NHSL1: variants seen among roughly 807,000 people sequenced by gnomAD.
The protein encoded by NHSL1 is NHS-like protein 1.
A neutral mutation model predicts 95.0 loss-of-function variants in NHSL1; 48 were observed. That is an observed-to-expected ratio of 0.51 (90% CI 0.40 to 0.64). The LOEUF (loss-of-function observed/expected upper bound fraction) is 0.64, where lower values mean the gene tolerates loss of function less well. Ranked by LOEUF, NHSL1 falls within the 30% of genes least tolerant of loss-of-function variation. The probability of loss-of-function intolerance (pLI) is 0.00; values close to 1 mark genes in which losing one functional copy is unlikely to be tolerated. For synonymous variants in NHSL1, 783 were observed against 833.9 expected (o/e 0.94, Z 1.05); for missense variants, 1,971 against 2,077.7 (o/e 0.95, Z 1.00).
At chr6:138,687,914 G>A (rs1218349146) in intron 1 of NHSL1, among the ~76,000 whole-genome samples, 2 of 152,090 alleles carry the variant, frequency 1.3e-5, no homozygotes, top group African/African-American at 4.8e-5. Context: ...GGTAATGGTT[G>A]CACAACTCTG....
rs1195616776 is a variant in NHSL1 at position 138,424,766 on chromosome 6, C to T, written c.4136G>A (p.Arg1379Gln). The T allele has an allele frequency of 3.9e-6, 6 of 1,551,340 alleles. No individual in the cohort carries two copies. Among genetic ancestry groups the T allele is most frequent in the East Asian group, 2.4e-5 (1 of 40,894 alleles). The stretch of plus-strand genomic sequence containing the variant: ...CACGGGCGGGGAGGGAGAATGGTTT[C>T]GGGAGTGGTCATCATCTGAATCTCT... ...GRRDSDDDHS[R>Q]NHSPSPPVTP... Residue 1379 changes from arginine (R) to glutamine (Q), a missense_variant, in exon 8 of 8, where the codon CGA (arginine) becomes CAA (glutamine). Around this residue, in one of 3 missense-constraint regions of NHSL1, gnomAD observed 146 missense variants for 206.3 expected, o/e 0.71. Transcript: ENST00000343505. This position sits in a 1 kb window ranked among gnomAD's most constrained non-coding sequence, Gnocchi z 5.9.
intron 2 of NHSL1, among the ~76,000 whole-genome samples, chr6:138,493,354 A>C (rs1780178702): frequency 6.6e-6 from 1 of 152,256 alleles, no homozygotes; most frequent in African/African-American, 2.4e-5. Context: ...ATAAAATTCA[A>C]GTTTAGGCAA....
chr6:138,523,243 G>A (rs1459751919), intron 1 of NHSL1, among the ~76,000 whole-genome samples: 1 of 152,170 alleles, frequency 6.6e-6, no homozygotes, highest in Non-Finnish European at 1.5e-5. Flanking sequence ...GCAGGGGAAT[G>A]GTGGGGACAG....
Position 138,432,820 on chromosome 6 carries a change from T to C in NHSL1, c.1525A>G (p.Arg509Gly), listed in dbSNP as rs1456929870. The C allele has an allele frequency of 6.4e-7, 1 of 1,551,654 alleles. No homozygotes were observed. Among genetic ancestry groups the C allele is most frequent in the East Asian group, 2.4e-5 (1 of 40,912 alleles). ...GGCATAGCTTGGGACCCATTCTCCC[T>C]ATTTGCTGGAGCATTTAGAGGGACG... ...SAVPLNAPAN[R>G]ENGSQAMPYN... The change falls in exon 6 of 8, where the codon AGG becomes GGG. Residue 509 changes from arginine to glycine, a missense_variant. This residue lies in a region of NHSL1 where 1,602 missense variants were observed against 1,654.5 expected (regional missense o/e 0.97). Transcript: ENST00000343505. This position sits in a 1 kb window ranked among gnomAD's most constrained non-coding sequence, Gnocchi z 4.4.
chr6:138,533,397 T>C (rs1383781984), intron 1 of NHSL1, among the ~76,000 whole-genome samples: 2 of 151,982 alleles, frequency 1.3e-5, no homozygotes, highest in African/African-American at 4.8e-5. Flanking sequence ...ACCCCGTCTC[T>C]ACTAAAAATA....
chr6:138,680,491 A>G (rs897399284), intron 1 of NHSL1, among the ~76,000 whole-genome samples: 1 of 152,228 alleles, frequency 6.6e-6, no homozygotes, highest in African/African-American at 2.4e-5. Flanking sequence ...ACATACTCCT[A>G]AGTCAGAAAG....
At chr6:138,532,944 A>G (rs533179748) in intron 1 of NHSL1, among the ~76,000 whole-genome samples, 77 of 152,344 alleles carry the variant, frequency 5.1e-4, no homozygotes, top group Non-Finnish European at 9.4e-4. Context: ...TTTAATAACC[A>G]TAACAGTTCA....
At chr6:138,635,950 TAAAAAAAAA>T (rs930630887) in intron 1 of NHSL1, among the ~76,000 whole-genome samples, 1 of 94,386 alleles carries the variant, frequency 1.1e-5, no homozygotes, top group Non-Finnish European at 2.1e-5. Context: ...CCGTCTCTAC[TAAAAAAAAA>T]AAAAAAAAAA....
At chr6:138,555,153 T>C (rs1338360572) in intron 1 of NHSL1, among the ~76,000 whole-genome samples, 4 of 152,222 alleles carry the variant, frequency 2.6e-5, no homozygotes, top group Admixed American at 1.3e-4. Flanking sequence ...CTTCTGACCC[T>C]CCTCTTGATC....
chr6:138,528,679 G>A (rs975948504), intron 1 of NHSL1, among the ~76,000 whole-genome samples: 2 of 152,154 alleles, frequency 1.3e-5, no homozygotes, highest in Admixed American at 6.6e-5. Context: ...TTGATACCAA[G>A]TCAACTGTTT....
chr6:138,599,259 C>A (rs1219931315), intron 1 of NHSL1, among the ~76,000 whole-genome samples: 1 of 152,198 alleles, frequency 6.6e-6, no homozygotes, highest in Non-Finnish European at 1.5e-5. Flanking sequence ...TGCCTGTAAT[C>A]CCAGCACTTT....
intron 1 of NHSL1, among the ~76,000 whole-genome samples, chr6:138,661,521 G>T (rs1272173302): frequency 6.6e-6 from 1 of 151,868 alleles, no homozygotes; most frequent in East Asian, 1.9e-4. Context: ...GATTAGCTGG[G>T]CTTGGTGGGC....
chr6:138,553,118 A>G (rs1425389406), intron 1 of NHSL1, among the ~76,000 whole-genome samples: 1 of 152,210 alleles, frequency 6.6e-6, no homozygotes, highest in East Asian at 1.9e-4. Context: ...AGATAAGGAT[A>G]AATCCTAAAT....
chr6:138,485,786 G>A (rs1779691892), intron 2 of NHSL1, among the ~76,000 whole-genome samples: 1 of 152,082 alleles, frequency 6.6e-6, no homozygotes, highest in African/African-American at 2.4e-5. Context: ...CTTTCCCTCA[G>A]GACAAAAATT....
chr6:138,431,605 T>G lies in NHSL1; in HGVS notation c.2740A>C (p.Ser914Arg), dbSNP rs2128198410. The G allele has an allele frequency of 6.4e-7, 1 of 1,551,626 alleles. No individual in the cohort carries two copies. The highest frequency in any genetic ancestry group is 8.7e-7 in the Non-Finnish European group (1 of 1,146,940). Reference protein sequence around the residue: ...SLSSSTSTEGSGTMKKLDPAV... With the variant: ...SLSSSTSTEGRGTMKKLDPAV... ...GGATCCAGCTTCTTCATAGTGCCAC[T>G]TCCTTCAGTAGAAGTACTAGAAGAA... Residue 914 changes from serine (S) to arginine (R), a missense_variant, in exon 6 of 8, where the codon AGT (serine) becomes CGT (arginine). By Grantham distance (110) the Ser-to-Arg change is moderately radical. Transcript: ENST00000343505. The surrounding 1 kb of genome is among the most constrained non-coding windows in gnomAD (Gnocchi z 4.0).
chr6:138,639,797 CAAA>C (rs56909767), intron 1 of NHSL1, among the ~76,000 whole-genome samples: 1,837 of 21,750 alleles, frequency 0.084, 11 homozygotes, highest in African/African-American at 0.21. Flanking sequence ...GACTCAGTCT[CAAA>C]AAAAAAAAAA....
chr6:138,454,509 A>G (rs1777457427), intron 3 of NHSL1, among the ~76,000 whole-genome samples: 1 of 137,836 alleles, frequency 7.3e-6, no homozygotes, highest in African/African-American at 3.6e-5. Context: ...TTACTGGGGG[A>G]AAAACATGAG....
Position 138,601,431 on chromosome 6 carries a change from C to T in NHSL1, c.96+91045G>A, listed in dbSNP as rs1562388176. 3.3e-5 allele frequency among the ~76,000 whole-genome samples: 5 copies of T among 152,224 alleles called. No individual in the cohort carries two copies. In the South Asian group the frequency reaches 1.0e-3, roughly 31 times the overall value. ...CACTTGTGTGGCTATTGCTCAATTGCACCTGTTATGCAGAAAACTCATACA... is the reference window on the plus strand; with the variant it reads ...CACTTGTGTGGCTATTGCTCAATTGTACCTGTTATGCAGAAAACTCATACA... On this transcript the variant is annotated intron_variant, in intron 1 of 3. Coordinates refer to the NHSL1 transcript ENST00000491526.
chr6:138,586,575 A>G (rs1784138954), intron 1 of NHSL1, among the ~76,000 whole-genome samples: 1 of 152,232 alleles, frequency 6.6e-6, no homozygotes, highest in Non-Finnish European at 1.5e-5. Flanking sequence ...CCTTTACAAA[A>G]TAAGATTACA....
Sources: allele counts gnomAD v4.1 joint callset (sites outside exome capture counted in the v4.1 genomes callset), GRCh38; gene constraint gnomAD v4.1.1; regional missense constraint gnomAD v4.1.1; non-coding constraint Gnocchi (gnomAD v3.1); transcripts MANE v1.5; gene names NCBI Gene and HGNC (gene_info 2026-07-23, HGNC 2026-07-21).